Variants in XKR4 observed in about 807,000 individuals in gnomAD.
XKR4 encodes the protein XK related 4.
XKR4 carries 12 observed loss-of-function variants against 53.9 expected under a neutral mutation model. The ratio of observed to expected loss-of-function variants is 0.22; its 90% CI spans 0.14 to 0.36. XKR4 has a LOEUF of 0.36. Among genes scored for constraint, XKR4 ranks in the 10% least tolerant of loss-of-function variants. The pLI is 1.00. For missense variants in XKR4, 799 were observed against 859.5 expected, an observed-to-expected ratio of 0.93 and a Z score of 0.88; for synonymous variants, 354 against 362.4, an observed-to-expected ratio of 0.98 and a Z score of 0.26.
At chr8:55,170,581 T>G (rs986458450) in intron 1 of XKR4, among the ~76,000 whole-genome samples, 9 of 152,188 alleles carry the variant, frequency 5.9e-5, no homozygotes, top group African/African-American at 2.2e-4. Context: ...GCAAAGTAAA[T>G]TGTAGGGCTT....
At chr8:55,259,488 G>A (rs899504648) in intron 1 of XKR4, among the ~76,000 whole-genome samples, 2 of 152,186 alleles carry the variant, frequency 1.3e-5, no homozygotes. Flanking sequence ...GATTGAAGAA[G>A]TGGTGAGGTT....
chr8:55,311,353 G>A (rs1203928046), intron 1 of XKR4, among the ~76,000 whole-genome samples: 1 of 152,268 alleles, frequency 6.6e-6, no homozygotes, highest in East Asian at 1.9e-4. Flanking sequence ...GGGCTCAGAG[G>A]GCCCCCAGGA....
intron 1 of XKR4, among the ~76,000 whole-genome samples, chr8:55,252,907 A>G (rs1193688810): frequency 3.3e-5 from 5 of 152,224 alleles, no homozygotes; most frequent in African/African-American, 1.2e-4. Flanking sequence ...TGAGATATGC[A>G]TGGGCTATTT....
At chr8:55,146,999 C>T (rs1816779526) in intron 1 of XKR4, among the ~76,000 whole-genome samples, 1 of 152,182 alleles carries the variant, frequency 6.6e-6, no homozygotes, top group Non-Finnish European at 1.5e-5. Context: ...ATATCCAACA[C>T]AATGAAATGC....
At chr8:55,156,387 G>A (rs1014927920) in intron 1 of XKR4, among the ~76,000 whole-genome samples, 3 of 146,450 alleles carry the variant, frequency 2.0e-5, no homozygotes, top group Non-Finnish European at 3.0e-5. Flanking sequence ...GTAAGACGCT[G>A]CGCGCATAGT....
intron 1 of XKR4, among the ~76,000 whole-genome samples, chr8:55,264,655 T>C (rs1334418989): frequency 6.6e-6 from 1 of 152,266 alleles, no homozygotes; most frequent in African/African-American, 2.4e-5. Flanking sequence ...AAAGGGAAGA[T>C]ACTTTCATGG....
At chr8:55,418,717 C>G (rs1288770760) in intron 2 of XKR4, among the ~76,000 whole-genome samples, 4 of 152,194 alleles carry the variant, frequency 2.6e-5, no homozygotes, top group Non-Finnish European at 5.9e-5. Context: ...CATGACCCAC[C>G]ATTCAGTGAG....
chr8:55,460,634 C>A (rs374336084), intron 2 of XKR4, among the ~76,000 whole-genome samples: 1 of 152,092 alleles, frequency 6.6e-6, no homozygotes, highest in Non-Finnish European at 1.5e-5. Context: ...ACAGTGGGTG[C>A]AGGACAGTGG....
intron 1 of XKR4, among the ~76,000 whole-genome samples, chr8:55,309,868 T>C (rs1819363455): frequency 1.3e-5 from 2 of 152,218 alleles, no homozygotes; most frequent in East Asian, 1.9e-4. Flanking sequence ...TCTAATTCGC[T>C]TGGTACACTA....
intron 1 of XKR4, among the ~76,000 whole-genome samples, chr8:55,176,286 G>T (rs752566153): frequency 3.3e-5 from 5 of 152,208 alleles, no homozygotes; most frequent in Non-Finnish European, 5.9e-5. Flanking sequence ...ACTGCGACAT[G>T]GATTAGATCC....
At chr8:55,303,046 G>A (rs1311676463) in intron 1 of XKR4, among the ~76,000 whole-genome samples, 1 of 152,198 alleles carries the variant, frequency 6.6e-6, no homozygotes, top group Non-Finnish European at 1.5e-5. Flanking sequence ...GAATAGGAGT[G>A]GTGAGAGAAG....
intron 1 of XKR4, among the ~76,000 whole-genome samples, chr8:55,226,769 ACCTT>A (rs1817958404): frequency 6.6e-6 from 1 of 151,940 alleles, no homozygotes; most frequent in African/African-American, 2.4e-5. Flanking sequence ...TTACCCTCCC[ACCTT>A]CCTTTAATAC....
intron 1 of XKR4, among the ~76,000 whole-genome samples, chr8:55,200,714 A>C (rs1418996810): frequency 1.3e-5 from 2 of 152,244 alleles, no homozygotes; most frequent in Non-Finnish European, 2.9e-5. Flanking sequence ...AAGCCTTGCT[A>C]TGAAAGTCTT....
intron 2 of XKR4, among the ~76,000 whole-genome samples, chr8:55,402,383 C>T (rs1216196659): frequency 1.3e-5 from 2 of 152,200 alleles, no homozygotes; most frequent in African/African-American, 4.8e-5. Flanking sequence ...AGTGACGTTG[C>T]TTTAAGGAAC....
At chr8:55,227,328 C>A (rs1817966268) in intron 1 of XKR4, among the ~76,000 whole-genome samples, 1 of 152,184 alleles carries the variant, frequency 6.6e-6, no homozygotes, top group African/African-American at 2.4e-5. Flanking sequence ...ATACAATTTC[C>A]AGATCATGGT....
intron 1 of XKR4, among the ~76,000 whole-genome samples, chr8:55,313,176 T>TCC (rs574000055): frequency 1.3e-3 from 196 of 152,298 alleles, no homozygotes; most frequent in Non-Finnish European, 2.2e-3. Flanking sequence ...TTTGATAGAT[T>TCC]CCCTAATTCA....
In XKR4 at chr8:55,262,428, A is replaced by G. The variant is rs145088818; in HGVS notation, c.807-95250A>G. ...ATTCACATGTTGAAGCCTTACCCCC[A>G]TTGTGATGGAATTAGGAGGTGGGAG... On this transcript the variant is annotated intron_variant, in intron 1 of 2. Coordinates refer to ENST00000327381, the MANE Select transcript of XKR4 (RefSeq NM_052898.2). Among the ~76,000 whole-genome samples, 546 of 152,248 alleles carry G rather than the reference A, an allele frequency of 3.6e-3. 11 individuals carry two copies. In the East Asian group the frequency reaches 0.039, roughly 11 times the overall value.
rs188679547 is a variant in XKR4 at position 55,299,638 on chromosome 8, C to G, written c.807-58040C>G. On this transcript the variant is annotated intron_variant, in intron 1 of 2. Transcript: ENST00000327381. ...GAAGACTTGGGGTGAAAAGATGCAA[C>G]ATATTGGGATAAATGTTGTAGAAAA... 1.6e-3 allele frequency among the ~76,000 whole-genome samples: 241 copies of G among 152,148 alleles called. 1 individual carries two copies. Among genetic ancestry groups the G allele is most frequent in the African/African-American group, 5.7e-3 (238 of 41,524 alleles).
At chr8:55,491,893 G>A (rs751040681) in intron 2 of XKR4, among the ~76,000 whole-genome samples, 1 of 152,156 alleles carries the variant, frequency 6.6e-6, no homozygotes, top group Non-Finnish European at 1.5e-5. Context: ...TTTTTGCCTA[G>A]TTTATGCATA....
Sources: gnomAD v4.1 joint callset for allele counts (sites outside exome capture counted in the v4.1 genomes callset) on GRCh38, gnomAD v4.1.1 for gene constraint, MANE v1.5 for transcripts, NCBI Gene and HGNC (gene_info 2026-07-23, HGNC 2026-07-21) for gene names.